KLHL9: variants seen among roughly 807,000 people sequenced by gnomAD.
The protein encoded by KLHL9 is kelch-like protein 9.
Under a neutral mutation model 42.3 loss-of-function variants are expected in KLHL9, and 27 were observed. That is an observed-to-expected ratio of 0.64 (90% CI 0.47 to 0.88). The LOEUF (loss-of-function observed/expected upper bound fraction) is 0.88, where lower values mean the gene tolerates loss of function less well. KLHL9 is among the 40% of genes least tolerant of loss of function. The pLI, the probability that KLHL9 is intolerant of heterozygous loss-of-function variation, is 0.00. For synonymous variants in KLHL9, 274 were observed against 254.4 expected, an observed-to-expected ratio of 1.08 and a Z score of -0.73; for missense variants, 629 against 750.3, an observed-to-expected ratio of 0.84 and a Z score of 1.89.
At position 21,333,729 on chromosome 9, in the gene KLHL9, A is replaced by T. The variant is rs1162344886; in HGVS notation, c.1131T>A (p.Asn377Lys). 6.2e-7 allele frequency: 1 copy of T among 1,614,096 alleles called. No individual in the cohort carries two copies. Among genetic ancestry groups the T allele is most frequent in the Non-Finnish European group, 8.5e-7 (1 of 1,180,046 alleles). Reference sequence around the variant, plus strand: ...TTAATGATGCAACCTGCATCCATTTATTATACCGAGGATCAAATCTGAAAA... The same window carrying T: ...TTAATGATGCAACCTGCATCCATTTTTTATACCGAGGATCAAATCTGAAAA... Reference protein sequence around the residue: ...DTVFRFDPRYNKWMQVASLNE... With the variant: ...DTVFRFDPRYKKWMQVASLNE... The change falls in exon 1 of 1, where the codon AAT (asparagine) becomes AAA (lysine). Residue 377 changes from asparagine to lysine, a missense_variant. This residue lies in a region of KLHL9 where 214 missense variants were observed against 305.8 expected (regional missense o/e 0.70). Transcript: ENST00000359039. The surrounding 1 kb of genome is among the most constrained non-coding windows in gnomAD (Gnocchi z 7.5).
rs578029870 is a variant in KLHL9 at position 21,332,538 on chromosome 9, G to A, written c.*468C>T. On this transcript the variant is annotated 3_prime_UTR_variant, in exon 1 of 1. Coordinates refer to ENST00000359039, the MANE Select transcript of KLHL9 (RefSeq NM_018847.4). ...ATTTTTATTATTTCTGTCTACGTAAGAAACTTCAAATATTCTGAATGCAAC... is the reference window on the plus strand; with the variant it reads ...ATTTTTATTATTTCTGTCTACGTAAAAAACTTCAAATATTCTGAATGCAAC... 1 of 160,672 alleles carries A rather than the reference G, an allele frequency of 6.2e-6. No homozygotes were observed. Among genetic ancestry groups the A allele is most frequent in the Non-Finnish European group, 1.4e-5 (1 of 72,960 alleles). 10.0% of individuals were successfully genotyped at this position (160,672 alleles called of 1,614,324 possible).
Position 21,333,377 on chromosome 9 carries a change from G to A in KLHL9, c.1483C>T (p.Leu495Phe). 1 of 1,614,186 alleles carries A rather than the reference G, an allele frequency of 6.2e-7. No individual in the cohort carries two copies. Among genetic ancestry groups the A allele is most frequent in the Non-Finnish European group, 8.5e-7 (1 of 1,180,042 alleles). The change falls in exon 1 of 1, where the codon CTC becomes TTC. Residue 495 changes from leucine (L) to phenylalanine (F), a missense_variant. Leu to Phe is a conservative substitution (Grantham distance 22). Transcript: ENST00000359039. This position sits in a 1 kb window ranked among gnomAD's most constrained non-coding sequence, Gnocchi z 7.5. ...LHCMCTVGDK[L>F]YVIGGNHFRG... is the part of the protein sequence containing the mutation. ...AAGTGATTGCCACCAATGACATAGA[G>A]CTTATCTCCAACTGTACACATGCAA...
Position 21,333,070 on chromosome 9 carries a change from G to C in KLHL9, c.1790C>G (p.Pro597Arg). 1 of 1,614,146 alleles carries C rather than the reference G, an allele frequency of 6.2e-7. No individual in the cohort carries two copies. Among genetic ancestry groups the C allele is most frequent in the South Asian group, 1.1e-5 (1 of 91,082 alleles). Residue 597 changes from proline to arginine, a missense_variant, in exon 1 of 1, where the codon CCT becomes CGT. Coordinates refer to ENST00000359039, the MANE Select transcript of KLHL9 (RefSeq NM_018847.4). This position sits in a 1 kb window ranked among gnomAD's most constrained non-coding sequence, Gnocchi z 7.5. ...AGAAGGTGACCCAGGGTTTTCTTCAGGTGGAAAAACTGTGAGTGTACAGGC... is the reference window on the plus strand; with the variant it reads ...AGAAGGTGACCCAGGGTTTTCTTCACGTGGAAAAACTGTGAGTGTACAGGC... ...IRACTLTVFP[P>R]EENPGSPSRE...
In KLHL9 at chr9:21,335,287, C is replaced by T. The variant is rs964197164; in HGVS notation, c.-428G>A. On this transcript the variant is annotated 5_prime_UTR_variant, in exon 1 of 1. Transcript: ENST00000359039. ...GTACCTAGAGTGTCGCAGCGGCCAC[C>T]GGCCTGTCTTTGAGCAAGGGCCGGG... 2 of 439,008 alleles carry T rather than the reference C, an allele frequency of 4.6e-6. No individual in the cohort carries two copies. The highest frequency in any genetic ancestry group is 2.0e-5 in the African/African-American group (1 of 49,076). 27.2% of individuals were successfully genotyped at this position (439,008 alleles called of 1,614,324 possible). A position where few individuals can be genotyped will look rare whatever the true frequency, so the allele number is the denominator to read the frequency against.
At position 21,334,177 on chromosome 9, in the gene KLHL9, G is replaced by C; in HGVS notation, c.683C>G (p.Pro228Arg). ...AACRWLRLED[P>R]RMDYAAKLMK... ...TAACTTTGCAGCATAATCCATCCGA[G>C]GGTCTTCCAACCTTAGCCAGCGACA... The change falls in exon 1 of 1, where the codon CCT becomes CGT. Residue 228 changes from proline (P) to arginine (R), a missense_variant. Physicochemically the swap from Pro to Arg is moderately radical, Grantham distance 103. This residue lies in a region of KLHL9 where 351 missense variants were observed against 363.1 expected (regional missense o/e 0.97). Coordinates refer to ENST00000359039, the MANE Select transcript of KLHL9 (RefSeq NM_018847.4). This position sits in a 1 kb window ranked among gnomAD's most constrained non-coding sequence, Gnocchi z 5.1. 6.2e-7 allele frequency: 1 copy of C among 1,614,188 alleles called. No individual in the cohort carries two copies. The highest frequency in any genetic ancestry group is 8.5e-7 in the Non-Finnish European group (1 of 1,180,046).
chr9:21,333,777 T>G lies in KLHL9; in HGVS notation c.1083A>C (p.Lys361Asn). 1 of 1,614,126 alleles carries G rather than the reference T, an allele frequency of 6.2e-7. No individual in the cohort carries two copies. The highest frequency in any genetic ancestry group is 8.5e-7 in the Non-Finnish European group (1 of 1,180,028). ...AAACTGTATCAACAGCAGTTTTTCC[T>G]TTTGTATCATAATTACTCTGACCAC... Reference protein sequence around the residue: ...VVGGQSNYDTKGKTAVDTVFR... With the variant: ...VVGGQSNYDTNGKTAVDTVFR... The change falls in exon 1 of 1, where the codon AAA becomes AAC. Residue 361 changes from lysine to asparagine, a missense_variant. Physicochemically the swap from Lys to Asn is moderately conservative, Grantham distance 94 (BLOSUM62 0). This residue lies in a region of KLHL9 where 214 missense variants were observed against 305.8 expected (regional missense o/e 0.70). Coordinates refer to ENST00000359039, the MANE Select transcript of KLHL9 (RefSeq NM_018847.4). The surrounding 1 kb of genome is among the most constrained non-coding windows in gnomAD (Gnocchi z 7.5).
At position 21,335,248 on chromosome 9, in the gene KLHL9, C is replaced by T; in HGVS notation, c.-389G>A. 2.1e-6 allele frequency: 1 copy of T among 484,874 alleles called. No homozygotes were observed. The highest frequency in any genetic ancestry group is 3.7e-6 in the Non-Finnish European group (1 of 267,452). 30.0% of individuals were successfully genotyped at this position (484,874 alleles called of 1,614,324 possible). On this transcript the variant is annotated 5_prime_UTR_variant, in exon 1 of 1. Coordinates refer to ENST00000359039, the MANE Select transcript of KLHL9 (RefSeq NM_018847.4). ...TCCGGACACCTCAGCGAACGGCCCGCTGCGCCCTCCGCTGTACCTAGAGTG... is the reference window on the plus strand; with the variant it reads ...TCCGGACACCTCAGCGAACGGCCCGTTGCGCCCTCCGCTGTACCTAGAGTG...
At position 21,333,394 on chromosome 9, in the gene KLHL9, C is replaced by T. The variant is rs1299611329; in HGVS notation, c.1466G>A (p.Cys489Tyr). Residue 489 changes from cysteine to tyrosine, a missense_variant, in exon 1 of 1, where the codon TGT (cysteine) becomes TAT (tyrosine). Cys to Tyr is a radical substitution (Grantham distance 194, BLOSUM62 -2). Around this residue, in one of 4 missense-constraint regions of KLHL9, gnomAD observed 214 missense variants for 305.8 expected, o/e 0.70. Coordinates refer to ENST00000359039, the MANE Select transcript of KLHL9 (RefSeq NM_018847.4). This position sits in a 1 kb window ranked among gnomAD's most constrained non-coding sequence, Gnocchi z 7.5. ...GACATAGAGCTTATCTCCAACTGTA[C>T]ACATGCAATGCAGACCTCTGACTGT... The part of the protein sequence containing the change: ...MTTVRGLHCM[C>Y]TVGDKLYVIG... 3.1e-6 allele frequency: 5 copies of T among 1,614,208 alleles called. No homozygotes were observed. Among genetic ancestry groups the T allele is most frequent in the Non-Finnish European group, 4.2e-6 (5 of 1,180,024 alleles).
At position 21,332,989 on chromosome 9, in the gene KLHL9, G is replaced by A. The variant is rs781204627; in HGVS notation, c.*17C>T. ...TAGATCACCCATGACGTACTGCAAAGGTGTTACACCTTAGACCTAAGAATG... is the reference window on the plus strand; with the variant it reads ...TAGATCACCCATGACGTACTGCAAAAGTGTTACACCTTAGACCTAAGAATG... On this transcript the variant is annotated 3_prime_UTR_variant, in exon 1 of 1. Coordinates refer to ENST00000359039, the MANE Select transcript of KLHL9 (RefSeq NM_018847.4). The A allele has an allele frequency of 1.7e-5, 27 of 1,613,846 alleles. No individual in the cohort carries two copies. Among genetic ancestry groups the A allele is most frequent in the African/African-American group, 1.1e-4 (8 of 74,888 alleles).
rs1820253115 is a variant in KLHL9 at position 21,335,356 on chromosome 9, G to GC, written c.-498dup. Reference sequence around the variant, plus strand: ...GGCTTGGGCCTAGAATACCGGCCTAGCCCCAACACCGAGCCGCTCCTTCCG... The same window carrying GC: ...GGCTTGGGCCTAGAATACCGGCCTAGCCCCCAACACCGAGCCGCTCCTTCCG... On this transcript the variant is annotated 5_prime_UTR_variant, in exon 1 of 1. Coordinates refer to ENST00000359039, the MANE Select transcript of KLHL9 (RefSeq NM_018847.4). 2.4e-6 allele frequency: 1 copy of GC among 416,402 alleles called. No homozygotes were observed. Among genetic ancestry groups the GC allele is most frequent in the African/African-American group, 2.1e-5 (1 of 48,646 alleles). 25.8% of individuals were successfully genotyped at this position (416,402 alleles called of 1,614,324 possible). A position where few individuals can be genotyped will look rare whatever the true frequency, so the allele number is the denominator to read the frequency against.
chr9:21,335,174 G>C lies in KLHL9; in HGVS notation c.-315C>G. 2 of 513,630 alleles carry C rather than the reference G, an allele frequency of 3.9e-6. No individual in the cohort carries two copies. Among genetic ancestry groups the C allele is most frequent in the Non-Finnish European group, 7.0e-6 (2 of 285,160 alleles). The allele number at this position is 513,630 out of a possible 1,614,324, so 31.8% of individuals were successfully genotyped here. On this transcript the variant is annotated 5_prime_UTR_variant, in exon 1 of 1. Transcript: ENST00000359039. ...CTTCAGCAGTTCCGCTTCGGGCAAGGAAGAGGCGCCGCCACGTACTGTGGC... is the reference window on the plus strand; with the variant it reads ...CTTCAGCAGTTCCGCTTCGGGCAAGCAAGAGGCGCCGCCACGTACTGTGGC...
rs986175283 is a variant in KLHL9 at position 21,331,820 on chromosome 9, A to C, written c.*1186T>G. 5.9e-5 allele frequency: 9 copies of C among 152,572 alleles called. No homozygotes were observed. Among genetic ancestry groups the C allele is most frequent in the African/African-American group, 9.7e-5 (4 of 41,436 alleles). The allele number at this position is 152,572 out of a possible 1,614,324, so 9.5% of individuals were successfully genotyped here. ...AAGCACATTTTTCCTCACTTGATGC[A>C]GAAGAAAATGTTATCTCCTGCTTGC... On this transcript the variant is annotated 3_prime_UTR_variant, in exon 1 of 1. Transcript: ENST00000359039.
chr9:21,332,737 A>G lies in KLHL9; in HGVS notation c.*269T>C. On this transcript the variant is annotated 3_prime_UTR_variant, in exon 1 of 1. Coordinates refer to ENST00000359039, the MANE Select transcript of KLHL9 (RefSeq NM_018847.4). ...GCATAATGGACATAATTACACATTT[A>G]CCACAGTCATCTACAATTTTATATA... 2 of 429,670 alleles carry G rather than the reference A, an allele frequency of 4.7e-6. No homozygotes were observed. Among genetic ancestry groups the G allele is most frequent in the South Asian group, 7.6e-5 (2 of 26,404 alleles). The allele number at this position is 429,670 out of a possible 1,614,324, so 26.6% of individuals were successfully genotyped here.
At position 21,334,861 on chromosome 9, in the gene KLHL9, T is replaced by G. The variant is rs766213329; in HGVS notation, c.-2A>C. 1.2e-6 allele frequency: 2 copies of G among 1,614,160 alleles called. No individual in the cohort carries two copies. The highest frequency in any genetic ancestry group is 2.2e-5 in the East Asian group (1 of 44,886). ...GCCGTTACCAAGGGACACTTTCATG[T>G]GAAAGCTTTCCTCTTGCACAGAGAT... On this transcript the variant is annotated 5_prime_UTR_variant, in exon 1 of 1. Transcript: ENST00000359039. This position sits in a 1 kb window ranked among gnomAD's most constrained non-coding sequence, Gnocchi z 5.1.
Position 21,334,401 on chromosome 9 carries a change from G to C in KLHL9, c.459C>G (p.Asn153Lys), listed in dbSNP as rs1820229334. 6.2e-7 allele frequency: 1 copy of C among 1,613,930 alleles called. No individual in the cohort carries two copies. Among genetic ancestry groups the C allele is most frequent in the Non-Finnish European group, 8.5e-7 (1 of 1,179,954 alleles). Reference protein sequence around the residue: ...VFLISGVSLDNCVEVGRIANT... With the variant: ...VFLISGVSLDKCVEVGRIANT... ...TAGCAATTCGTCCAACCTCAACACA[G>C]TTATCCAAAGAGACTCCTGATATAA... Residue 153 changes from asparagine (N) to lysine (K), a missense_variant, in exon 1 of 1, where the codon AAC becomes AAG. Asn to Lys is a moderately conservative substitution (Grantham distance 94). Coordinates refer to ENST00000359039, the MANE Select transcript of KLHL9 (RefSeq NM_018847.4). This position sits in a 1 kb window ranked among gnomAD's most constrained non-coding sequence, Gnocchi z 5.1.
In KLHL9 at chr9:21,333,466, C is replaced by T. The variant is rs191333137; in HGVS notation, c.1394G>A (p.Cys465Tyr). 8.8e-5 allele frequency: 142 copies of T among 1,614,224 alleles called. No homozygotes were observed. The East Asian group carries it at 2.6e-3, about 29-fold the overall frequency. The change falls in exon 1 of 1, where the codon TGT (cysteine) becomes TAT (tyrosine). Residue 465 changes from cysteine to tyrosine, a missense_variant. Transcript: ENST00000359039. This position sits in a 1 kb window ranked among gnomAD's most constrained non-coding sequence, Gnocchi z 7.5. ...THDTFQNELM[C>Y]FDPDTDKWMQ... ...CCATTTATCTGTATCTGGGTCAAAA[C>T]ACATGAGCTCATTTTGGAAAGTGTC...
chr9:21,334,591 A>C lies in KLHL9; in HGVS notation c.269T>G (p.Leu90Trp). ...CACCCCATGAAGCTTAATGCACATCAAATCTTGTTCTTTCATTCCACCTGT... is the reference window on the plus strand; with the variant it reads ...CACCCCATGAAGCTTAATGCACATCCAATCTTGTTCTTTCATTCCACCTGT... ...MFTGGMKEQD[L>W]MCIKLHGVNK... The change falls in exon 1 of 1, where the codon TTG (leucine) becomes TGG (tryptophan). Residue 90 changes from leucine (L) to tryptophan (W), a missense_variant. Leu to Trp is a moderately conservative substitution (Grantham distance 61, BLOSUM62 -2). This residue lies in a region of KLHL9 where 351 missense variants were observed against 363.1 expected (regional missense o/e 0.97). Transcript: ENST00000359039. This position sits in a 1 kb window ranked among gnomAD's most constrained non-coding sequence, Gnocchi z 5.1. 6.2e-7 allele frequency: 1 copy of C among 1,614,196 alleles called. No homozygotes were observed. Among genetic ancestry groups the C allele is most frequent in the Non-Finnish European group, 8.5e-7 (1 of 1,180,038 alleles).
rs1367910925 is a variant in KLHL9 at position 21,330,536 on chromosome 9, G to A, written c.*2470C>T. The A allele has an allele frequency of 6.6e-6, 1 of 152,184 alleles. No homozygotes were observed. Among genetic ancestry groups the A allele is most frequent in the Non-Finnish European group, 1.5e-5 (1 of 68,046 alleles). 9.4% of individuals were successfully genotyped at this position (152,184 alleles called of 1,614,324 possible). The stretch of plus-strand genomic sequence containing the variant: ...AGAGGCAGGGTGGGTGAAGCTGGAG[G>A]TGGGGGATGTAGATAGAGCAGTTTA... On this transcript the variant is annotated 3_prime_UTR_variant, in exon 1 of 1. Transcript: ENST00000359039.
In KLHL9 at chr9:21,334,564, T is replaced by C. The variant is rs1191026229; in HGVS notation, c.296A>G (p.Asn99Ser). The change falls in exon 1 of 1, where the codon AAC (asparagine) becomes AGC (serine). Residue 99 changes from asparagine (N) to serine (S), a missense_variant. Transcript: ENST00000359039. This position sits in a 1 kb window ranked among gnomAD's most constrained non-coding sequence, Gnocchi z 5.1. Reference sequence around the variant, plus strand: ...AATGATTTTCTTCAGACCAACCTTGTTCACCCCATGAAGCTTAATGCACAT... The same window carrying C: ...AATGATTTTCTTCAGACCAACCTTGCTCACCCCATGAAGCTTAATGCACAT... ...DLMCIKLHGV[N>S]KVGLKKIIDF... 1 of 1,614,192 alleles carries C rather than the reference T, an allele frequency of 6.2e-7. No homozygotes were observed. The highest frequency in any genetic ancestry group is 1.7e-5 in the Admixed American group (1 of 60,030).
Sources: allele counts gnomAD v4.1 joint callset, GRCh38; gene constraint gnomAD v4.1.1; regional missense constraint gnomAD v4.1.1; non-coding constraint Gnocchi (gnomAD v3.1); transcripts MANE v1.5; gene names NCBI Gene and HGNC (gene_info 2026-07-23, HGNC 2026-07-21).